The following FAM110B variants were observed in gnomAD, a reference collection of about 807,000 sequenced individuals.
FAM110B encodes the protein family with sequence similarity 110 member B.
In FAM110B, 6 loss-of-function variants were observed where a neutral mutation model predicts 20.4. The ratio of observed to expected loss-of-function variants is 0.29; its 90% CI spans 0.16 to 0.58. The LOEUF is 0.58. Ranked by LOEUF, FAM110B falls within the 20% of genes least tolerant of loss-of-function variation. FAM110B has a pLI of 0.90. For missense variants in FAM110B, 434 were observed against 498.2 expected (o/e 0.87, Z 1.23); for synonymous variants, 226 against 214.1 (o/e 1.06, Z -0.49).
chr8:57,998,923 A>G (rs1329681496), intron 1 of FAM110B, among the ~76,000 whole-genome samples: 3 of 152,118 alleles, frequency 2.0e-5, no homozygotes, highest in Non-Finnish European at 4.4e-5. Flanking sequence ...GACATCTTAG[A>G]TTTCCTTATA....
chr8:58,122,470 C>A (rs1422784584), intron 3 of FAM110B, among the ~76,000 whole-genome samples: 1 of 152,054 alleles, frequency 6.6e-6, no homozygotes, highest in South Asian at 2.1e-4. Context: ...GGGATGGATC[C>A]TCTAATTTTT....
chr8:58,070,602 G>T (rs1223665437), intron 2 of FAM110B, among the ~76,000 whole-genome samples: 10 of 152,196 alleles, frequency 6.6e-5, no homozygotes, highest in Non-Finnish European at 1.5e-4. Flanking sequence ...GGATTCAAGA[G>T]TGCATGTGTG....
chr8:58,052,695 G>A (rs996869643), intron 2 of FAM110B, among the ~76,000 whole-genome samples: 2 of 151,450 alleles, frequency 1.3e-5, no homozygotes, highest in South Asian at 2.1e-4. Context: ...TTTAGAGAGC[G>A]TGGTAGGCAG....
intron 3 of FAM110B, among the ~76,000 whole-genome samples, chr8:58,080,364 G>A (rs756808954): frequency 6.6e-6 from 1 of 152,190 alleles, no homozygotes; most frequent in African/African-American, 2.4e-5. Flanking sequence ...ATCAGCTAGA[G>A]TAGGAAAGAG....
chr8:58,001,704 C>T (rs907317762), intron 1 of FAM110B, among the ~76,000 whole-genome samples: 3 of 152,104 alleles, frequency 2.0e-5, no homozygotes, highest in Non-Finnish European at 4.4e-5. Context: ...ATTAAGCATA[C>T]CGGCATATTA....
intron 3 of FAM110B, among the ~76,000 whole-genome samples, chr8:58,137,554 C>T (rs749311934): frequency 1.3e-5 from 2 of 151,560 alleles, no homozygotes; most frequent in African/African-American, 2.4e-5. Flanking sequence ...AGTGAGCCTC[C>T]GTCTTAAAAA....
chr8:58,145,407 G>T (rs889609756), intron 3 of FAM110B, among the ~76,000 whole-genome samples: 1 of 151,696 alleles, frequency 6.6e-6, no homozygotes, highest in African/African-American at 2.4e-5. Flanking sequence ...ACTGTTGCAA[G>T]TATTCCTGAG....
At chr8:58,046,280 A>G (rs1416902329) in intron 2 of FAM110B, among the ~76,000 whole-genome samples, 1 of 152,240 alleles carries the variant, frequency 6.6e-6, no homozygotes, top group Non-Finnish European at 1.5e-5. Flanking sequence ...ATTACTATAT[A>G]TATTAATAAC....
chr8:58,042,978 G>A lies in FAM110B; in HGVS notation c.-414+11275G>A, dbSNP rs145799459. Among the ~76,000 whole-genome samples, 363 of 152,288 alleles carry A rather than the reference G, an allele frequency of 2.4e-3. 1 individual carries two copies. The highest frequency in any genetic ancestry group is 0.01 in the Middle Eastern group (3 of 294). On this transcript the variant is annotated intron_variant, in intron 2 of 3. Coordinates refer to ENST00000519262, the MANE Select transcript of FAM110B (RefSeq NM_001377989.1). ...TTCTCTCTCATAGCACCAGGAGCAG[G>A]GCCTGTTTGCACTGCAGTGAATGAG...
chr8:58,008,226 G>A (rs1439770859), intron 1 of FAM110B, among the ~76,000 whole-genome samples: 2 of 149,550 alleles, frequency 1.3e-5, no homozygotes, highest in South Asian at 2.1e-4. Flanking sequence ...TCCACCTTCC[G>A]GGTTCAAGCG....
chr8:58,006,453 G>T (rs1804404526), intron 1 of FAM110B, among the ~76,000 whole-genome samples: 1 of 152,108 alleles, frequency 6.6e-6, no homozygotes, highest in Non-Finnish European at 1.5e-5. Context: ...GCCATGGCAG[G>T]GTTCAGTAGG....
intron 1 of FAM110B, among the ~76,000 whole-genome samples, chr8:58,004,128 T>C (rs1313781765): frequency 2.0e-5 from 3 of 152,202 alleles, no homozygotes; most frequent in Non-Finnish European, 4.4e-5. Context: ...CCAGATCCCT[T>C]GCATGCACAG....
Position 58,147,528 on chromosome 8 carries a change from T to A in FAM110B, c.*185T>A. 1.4e-6 allele frequency: 1 copy of A among 722,642 alleles called. No individual in the cohort carries two copies. The highest frequency in any genetic ancestry group is 2.3e-6 in the Non-Finnish European group (1 of 441,416). 44.8% of individuals were successfully genotyped at this position (722,642 alleles called of 1,614,324 possible). The stretch of plus-strand genomic sequence containing the variant: ...TCCACGTCACCATCGCTACAGAGCC[T>A]GGCTGAACACGCGTCATCTGCCAAA... On this transcript the variant is annotated 3_prime_UTR_variant, in exon 4 of 4. Transcript: ENST00000519262.
intron 1 of FAM110B, among the ~76,000 whole-genome samples, chr8:58,021,348 A>G (rs1019979835): frequency 6.6e-6 from 1 of 152,214 alleles, no homozygotes; most frequent in Non-Finnish European, 1.5e-5. Context: ...TCTGAAAGGC[A>G]GTAAAAAAAT....
At chr8:58,067,200 G>A (rs143996329) in intron 2 of FAM110B, among the ~76,000 whole-genome samples, 11 of 152,304 alleles carry the variant, frequency 7.2e-5, no homozygotes, top group Non-Finnish European at 1.6e-4. Flanking sequence ...AGTCTCCAGG[G>A]TTAGAGAATG....
chr8:58,119,768 A>G (rs1807307923), intron 3 of FAM110B, among the ~76,000 whole-genome samples: 1 of 152,216 alleles, frequency 6.6e-6, no homozygotes, highest in Non-Finnish European at 1.5e-5. Context: ...AAGAGAGTAT[A>G]TGACCACTCT....
rs536622986 is a variant in FAM110B, at chr8:58,099,450, G to A, written c.-325+23827G>A. ...TTAATTATTTAAACTGTATTAAACT[G>A]TATTTATTATAGTTTAAAAATTAAA... On this transcript the variant is annotated intron_variant, in intron 3 of 3. Transcript: ENST00000519262. Among the ~76,000 whole-genome samples, 6 of 152,106 alleles carry A rather than the reference G, an allele frequency of 3.9e-5. No homozygotes were observed. In the South Asian group the frequency reaches 1.2e-3, roughly 32 times the overall value.
chr8:58,102,572 C>G (rs1295058467), intron 3 of FAM110B, among the ~76,000 whole-genome samples: 1 of 152,140 alleles, frequency 6.6e-6, no homozygotes, highest in African/African-American at 2.4e-5. Flanking sequence ...ACTGGTATGT[C>G]TATTGCTTTT....
intron 1 of FAM110B, among the ~76,000 whole-genome samples, chr8:58,020,423 G>A (rs944555068): frequency 2.0e-5 from 3 of 152,048 alleles, no homozygotes; most frequent in African/African-American, 7.2e-5. Flanking sequence ...ATATTTGTTT[G>A]TTTCATTTCT....
Sources: allele counts gnomAD v4.1 joint callset (sites outside exome capture counted in the v4.1 genomes callset), GRCh38; gene constraint gnomAD v4.1.1; transcripts MANE v1.5; gene names NCBI Gene and HGNC (gene_info 2026-07-23, HGNC 2026-07-21).